The following CACNA2D1 variants were observed in gnomAD, a reference collection of about 807,000 sequenced individuals.
The protein encoded by CACNA2D1 is voltage-dependent calcium channel subunit alpha-2/delta-1.
Under a neutral mutation model 171.5 loss-of-function variants are expected in CACNA2D1, and 53 were observed. That is an observed-to-expected ratio of 0.31 (90% CI 0.25 to 0.39). The LOEUF (loss-of-function observed/expected upper bound fraction) is 0.39, where lower values mean the gene tolerates loss of function less well. CACNA2D1 is among the 10% of genes least tolerant of loss of function. CACNA2D1 has a pLI of 1.00. For synonymous variants in CACNA2D1, 442 were observed against 443.1 expected (o/e 1.00, Z 0.03); for missense variants, 903 against 1,299.8 (o/e 0.69, Z 4.69).
intron 10 of CACNA2D1, among the ~76,000 whole-genome samples, chr7:82,053,717 A>G (rs1384514599): frequency 6.6e-6 from 1 of 152,178 alleles, no homozygotes; most frequent in Admixed American, 6.5e-5. Flanking sequence ...TTTAAGTTCC[A>G]TTAATTGTGC....
At chr7:82,006,368 T>G (rs902748130) in intron 16 of CACNA2D1, among the ~76,000 whole-genome samples, 1 of 152,050 alleles carries the variant, frequency 6.6e-6, no homozygotes, top group Non-Finnish European at 1.5e-5. Context: ...TTCTAGTCAC[T>G]GCTAATAACT....
chr7:82,383,248 C>G (rs1408173946), intron 1 of CACNA2D1, among the ~76,000 whole-genome samples: 3 of 152,194 alleles, frequency 2.0e-5, no homozygotes, highest in Non-Finnish European at 4.4e-5. Context: ...GGCCACTAAT[C>G]TGTTCCAAAA....
At chr7:82,048,991 C>T (rs1415560209) in intron 10 of CACNA2D1, among the ~76,000 whole-genome samples, 3 of 151,782 alleles carry the variant, frequency 2.0e-5, no homozygotes, top group African/African-American at 4.8e-5. Flanking sequence ...TTTACATATA[C>T]GACGAATTTC....
intron 1 of CACNA2D1, among the ~76,000 whole-genome samples, chr7:82,357,724 G>A (rs2018694): frequency 0.72 from 88,251 of 121,780 alleles, 31,382 homozygotes; most frequent in African/African-American, 0.82. Flanking sequence ...GGTGGGGGGT[G>A]GGGGGAGGGA....
chr7:81,969,077 C>A, intron 28 of CACNA2D1, 104 bp from the exon 29 acceptor site: 1 of 709,570 alleles, frequency 1.4e-6, no homozygotes, highest in Non-Finnish European at 2.4e-6. Flanking sequence ...CTTAAAAATT[C>A]TAGCATCTAC....
intron 3 of CACNA2D1, among the ~76,000 whole-genome samples, chr7:82,290,946 C>T (rs1811454658): frequency 6.7e-6 from 1 of 150,266 alleles, no homozygotes; most frequent in Non-Finnish European, 1.5e-5. Flanking sequence ...TAATTCACTT[C>T]TAGAGCCAGT....
chr7:82,130,593 G>T (rs184564089), intron 5 of CACNA2D1, among the ~76,000 whole-genome samples: 4 of 151,924 alleles, frequency 2.6e-5, no homozygotes, highest in African/African-American at 9.7e-5. Flanking sequence ...TGATTGATAT[G>T]AGTACTAGGA....
At chr7:82,432,412 G>A (rs1027178776) in intron 1 of CACNA2D1, among the ~76,000 whole-genome samples, 11 of 152,260 alleles carry the variant, frequency 7.2e-5, no homozygotes, top group Non-Finnish European at 1.3e-4. Flanking sequence ...GAACTGCCGT[G>A]ATGGCAAGTG....
intron 24 of CACNA2D1, among the ~76,000 whole-genome samples, chr7:81,976,843 A>G (rs987232151): frequency 6.6e-6 from 1 of 152,134 alleles, no homozygotes; most frequent in African/African-American, 2.4e-5. Flanking sequence ...AACAAAAGCG[A>G]GACTGTATCT....
At chr7:82,304,874 C>G (rs1585414773) in intron 3 of CACNA2D1, among the ~76,000 whole-genome samples, 1 of 152,094 alleles carries the variant, frequency 6.6e-6, no homozygotes, top group South Asian at 2.1e-4. Context: ...AGGACTTGAT[C>G]AGTTCCCAAC....
At chr7:82,403,865 A>G (rs1476017508) in intron 1 of CACNA2D1, among the ~76,000 whole-genome samples, 1 of 152,226 alleles carries the variant, frequency 6.6e-6, no homozygotes, top group East Asian at 1.9e-4. Flanking sequence ...TCTGAAAGAC[A>G]AAAGTATTTT....
chr7:82,400,534 C>A (rs903203173), intron 1 of CACNA2D1, among the ~76,000 whole-genome samples: 1 of 151,678 alleles, frequency 6.6e-6, no homozygotes, highest in Non-Finnish European at 1.5e-5. Context: ...CCCTTCCTTA[C>A]ACCTTATACA....
chr7:82,138,841 T>C (rs1792021761), intron 4 of CACNA2D1, among the ~76,000 whole-genome samples: 1 of 152,174 alleles, frequency 6.6e-6, no homozygotes, highest in Non-Finnish European at 1.5e-5. Flanking sequence ...AATTACTAGT[T>C]TATTGATCCT....
chr7:82,359,955 T>C lies in CACNA2D1; in HGVS notation c.96-10306A>G, dbSNP rs111806173. Among the ~76,000 whole-genome samples, 975 of 152,306 alleles carry C rather than the reference T, an allele frequency of 6.4e-3. 12 individuals are homozygous for C. The highest frequency in any genetic ancestry group is 0.059 in the South Asian group (285 of 4,824). ...TCTCACAAAAATCTATTGAGGTAGA[T>C]ACCGTTATTAGTCCTACTTTACAGA... On this transcript the variant is annotated intron_variant, in intron 1 of 38. Coordinates refer to ENST00000356860, the MANE Select transcript of CACNA2D1 (RefSeq NM_000722.4).
In CACNA2D1 at chr7:82,008,458, A is replaced by G. The variant is rs76098402; in HGVS notation, c.1363-702T>C. ...ATAGTAGAACTAATGCCATCCTATTAATCAGCACATAATTTAATACATTAA... is the reference window on the plus strand; with the variant it reads ...ATAGTAGAACTAATGCCATCCTATTGATCAGCACATAATTTAATACATTAA... On this transcript the variant is annotated intron_variant, in intron 15 of 38. Coordinates refer to ENST00000356860, the MANE Select transcript of CACNA2D1 (RefSeq NM_000722.4). Among the ~76,000 whole-genome samples, 244 of 152,278 alleles carry G rather than the reference A, an allele frequency of 1.6e-3. 5 individuals are homozygous for G. In the East Asian group the frequency reaches 0.017, roughly 11 times the overall value.
intron 9 of CACNA2D1, among the ~76,000 whole-genome samples, 171 bp from the exon 10 acceptor site, chr7:82,060,698 A>C (rs2128974517): frequency 1.3e-5 from 2 of 152,196 alleles, no homozygotes; most frequent in South Asian, 4.1e-4. Flanking sequence ...AGAAGTGGAA[A>C]TTATAAGAAA....
intron 3 of CACNA2D1, among the ~76,000 whole-genome samples, chr7:82,304,068 T>C (rs1813391210): frequency 2.0e-5 from 3 of 149,896 alleles, no homozygotes; most frequent in Admixed American, 1.3e-4. Flanking sequence ...GACATACAAA[T>C]GGCCAACAGG....
chr7:81,962,259 CCTAGGT>C (rs1794225907), intron 35 of CACNA2D1, among the ~76,000 whole-genome samples, 175 bp downstream of exon 35: 1 of 151,748 alleles, frequency 6.6e-6, no homozygotes, highest in South Asian at 2.1e-4. Context: ...GCCCGTGTGA[CCTAGGT>C]AATTTCTAAA....
chr7:82,021,548 G>C (rs532791214), intron 12 of CACNA2D1, among the ~76,000 whole-genome samples: 1 of 152,118 alleles, frequency 6.6e-6, no homozygotes, highest in South Asian at 2.1e-4. Context: ...CCTATGTACT[G>C]ATATGACCAA....
Sources: allele counts gnomAD v4.1 joint callset (sites outside exome capture counted in the v4.1 genomes callset), GRCh38; gene constraint gnomAD v4.1.1; transcripts MANE v1.5; gene names NCBI Gene and HGNC (gene_info 2026-07-23, HGNC 2026-07-21).